PANK4: variants seen among roughly 807,000 people sequenced by gnomAD.
The protein encoded by PANK4 is pantothenate kinase 4 (inactive).
In PANK4, 40 loss-of-function variants were observed where a neutral mutation model predicts 87.9. The observed-to-expected ratio is 0.46, with a 90% CI of 0.35 to 0.59. The LOEUF is 0.59. Ranked by LOEUF, PANK4 falls within the 20% of genes least tolerant of loss-of-function variation. PANK4 has a pLI of 0.00. For missense variants in PANK4, 926 were observed against 1,072.3 expected (o/e 0.86, Z 1.90); for synonymous variants, 524 against 467.4 (o/e 1.12, Z -1.56).
chr1:2,520,260 T>C lies in PANK4; in HGVS notation c.699+62A>G, dbSNP rs1178439427. On this transcript the variant is annotated intron_variant, in intron 5 of 18. Transcript: ENST00000378466. This position sits in a 1 kb window ranked among gnomAD's most constrained non-coding sequence, Gnocchi z 6.2. Reference sequence around the variant, plus strand: ...TTTTGCACCGCCCAGCTGCAGGCCTTCGGGGGAAGGAAGCAGACATCTCCG... The same window carrying C: ...TTTTGCACCGCCCAGCTGCAGGCCTCCGGGGGAAGGAAGCAGACATCTCCG... The C allele has an allele frequency of 4.0e-6, 6 of 1,500,614 alleles. No individual in the cohort carries two copies. Among genetic ancestry groups the C allele is most frequent in the Non-Finnish European group, 5.6e-6 (6 of 1,078,862 alleles). 93.0% of individuals were successfully genotyped at this position (1,500,614 alleles called of 1,614,324 possible).
intron 9 of PANK4, among the ~76,000 whole-genome samples, chr1:2,516,359 C>T (rs1324677878): frequency 6.6e-6 from 1 of 152,222 alleles, no homozygotes; most frequent in African/African-American, 2.4e-5. Context: ...CCCGGGGCCA[C>T]CTGCACCCAG....
rs764779513 is a variant in PANK4, at chr1:2,512,991, C to A, written c.1624G>T (p.Val542Leu). The A allele has an allele frequency of 6.2e-7, 1 of 1,611,372 alleles. No homozygotes were observed. Among genetic ancestry groups the A allele is most frequent in the Admixed American group, 1.7e-5 (1 of 59,966 alleles). ...GVALRCFPGVVRSLDALGWEE... is the reference protein window; with the variant it reads ...GVALRCFPGVLRSLDALGWEE... ...CAGCCCAGCGCGTCCAGGGAGCGCA[C>A]GACCCCGGGGAAGCACCTCAGCGCC... Residue 542 changes from valine (V) to leucine (L), a missense_variant, in exon 13 of 19, where the codon GTG (valine) becomes TTG (leucine). Val to Leu is a conservative substitution (Grantham distance 32). Coordinates refer to ENST00000378466, the MANE Select transcript of PANK4 (RefSeq NM_018216.4).
chr1:2,521,921 G>A (rs767270336), intron 1 of PANK4, 121 bp from the exon 2 acceptor site: 5 of 753,456 alleles, frequency 6.6e-6, no homozygotes, highest in South Asian at 1.5e-5. Flanking sequence ...AGGGGTTTGG[G>A]GCTACTGGAA....
At chr1:2,525,401 A>G (rs1324257299) in intron 1 of PANK4, among the ~76,000 whole-genome samples, 1 of 152,080 alleles carries the variant, frequency 6.6e-6, no homozygotes, top group African/African-American at 2.4e-5. Flanking sequence ...AAGCAGACTC[A>G]GCCTACGACC....
Position 2,520,469 on chromosome 1 carries a change from C to T in PANK4, c.607-55G>A. ...CAGTGGGCCCTCAGCCACACAGGCT[C>T]CCCCGCCCCCCGCCCCATGTGCTGC... On this transcript the variant is annotated intron_variant, in intron 4 of 18. Transcript: ENST00000378466. This position sits in a 1 kb window ranked among gnomAD's most constrained non-coding sequence, Gnocchi z 6.2. 1 of 1,399,732 alleles carries T rather than the reference C, an allele frequency of 7.1e-7. No individual in the cohort carries two copies. Among genetic ancestry groups the T allele is most frequent in the Admixed American group, 1.7e-5 (1 of 58,228 alleles). 86.7% of individuals were successfully genotyped at this position (1,399,732 alleles called of 1,614,324 possible).
At position 2,508,900 on chromosome 1, in the gene PANK4, G is replaced by A; in HGVS notation, c.2269C>T (p.Leu757=). The A allele has an allele frequency of 6.2e-7, 1 of 1,609,428 alleles. No homozygotes were observed. The highest frequency in any genetic ancestry group is 8.5e-7 in the Non-Finnish European group (1 of 1,178,414). Residue 757 remains leucine (L), a synonymous_variant, in exon 19 of 19, where the codon CTG becomes TTG. Coordinates refer to ENST00000378466, the MANE Select transcript of PANK4 (RefSeq NM_018216.4). This position sits in a 1 kb window ranked among gnomAD's most constrained non-coding sequence, Gnocchi z 5.1. ...ATGACGCTGAAGAGCCGGCCGCCCA[G>A]CCGCTCGGCCAGCCACGCGTTCTTG... The part of the protein sequence containing the change: ...VIKNAWLAER[L]GGRLFSVIFK...
chr1:2,514,779 T>C (rs1174067320), intron 10 of PANK4, among the ~76,000 whole-genome samples: 1 of 151,870 alleles, frequency 6.6e-6, no homozygotes, highest in Non-Finnish European at 1.5e-5. Flanking sequence ...AGGCTGACGG[T>C]GACAGTTCAC....
chr1:2,509,917 C>T lies in PANK4; in HGVS notation c.2053G>A (p.Glu685Lys), dbSNP rs1485035858. 6 of 1,612,306 alleles carry T rather than the reference C, an allele frequency of 3.7e-6. No individual in the cohort carries two copies. In the Admixed American group the frequency reaches 5.0e-5, roughly 13 times the overall value. Reference sequence around the variant, plus strand: ...GTCTGCACCAGCAGCAGCCTCTCTTCCTGGAGCGCAGAGCTGCCAGATACA... The same window carrying T: ...GTCTGCACCAGCAGCAGCCTCTCTTTCTGGAGCGCAGAGCTGCCAGATACA... ...MDPVVHSALQ[E>K]ERLLLVQTGS... is the part of the protein sequence containing the mutation. Residue 685 changes from glutamate to lysine, a missense_variant, in exon 18 of 19, where the codon GAA (glutamate) becomes AAA (lysine). Coordinates refer to ENST00000378466, the MANE Select transcript of PANK4 (RefSeq NM_018216.4). This position sits in a 1 kb window ranked among gnomAD's most constrained non-coding sequence, Gnocchi z 4.9.
intron 1 of PANK4, 74 bp downstream of exon 1, chr1:2,526,390 C>T (rs1489076784): frequency 3.4e-6 from 3 of 881,780 alleles, no homozygotes; most frequent in East Asian, 1.2e-4. Context: ...CTTCCCGCCG[C>T]CCCCGCTCGC....
chr1:2,519,758 C>A lies in PANK4; in HGVS notation c.853+43G>T. Reference sequence around the variant, plus strand: ...CTCCTGTCCGTGAGACCCCAAGTGTCCCCACCATCCTGCTCTCTGGCGGCA... The same window carrying A: ...CTCCTGTCCGTGAGACCCCAAGTGTACCCACCATCCTGCTCTCTGGCGGCA... On this transcript the variant is annotated intron_variant, in intron 6 of 18. Coordinates refer to ENST00000378466, the MANE Select transcript of PANK4 (RefSeq NM_018216.4). The surrounding 1 kb of genome is among the most constrained non-coding windows in gnomAD (Gnocchi z 8.3). 6.6e-7 allele frequency: 1 copy of A among 1,518,198 alleles called. No individual in the cohort carries two copies. Among genetic ancestry groups the A allele is most frequent in the East Asian group, 2.4e-5 (1 of 41,406 alleles). The allele number at this position is 1,518,198 out of a possible 1,614,324, so 94.0% of individuals were successfully genotyped here. A position where few individuals can be genotyped will look rare whatever the true frequency, so the allele number is the denominator to read the frequency against.
At position 2,526,578 on chromosome 1, in the gene PANK4, A is replaced by G. The variant is rs746501126; in HGVS notation, c.10T>C (p.Cys4Arg). 7 of 1,599,874 alleles carry G rather than the reference A, an allele frequency of 4.4e-6. No individual in the cohort carries two copies. The highest frequency in any genetic ancestry group is 3.4e-5 in the Admixed American group (2 of 58,762). MAECGASGSGSSGD... is the reference protein window; with the variant it reads MAERGASGSGSSGD... ...CTGCTCCCGCTGCCGCTCGCTCCAC[A>G]CTCCGCCATTTTGAAAGTGCCCGGC... Residue 4 changes from cysteine (C) to arginine (R), a missense_variant, in exon 1 of 19, where the codon TGT (cysteine) becomes CGT (arginine). Transcript: ENST00000378466.
At chr1:2,524,658 C>T (rs1643905056) in intron 1 of PANK4, among the ~76,000 whole-genome samples, 1 of 152,254 alleles carries the variant, frequency 6.6e-6, no homozygotes, top group Non-Finnish European at 1.5e-5. Flanking sequence ...TGCGGCTTCA[C>T]TGGCCTCTCG....
In PANK4 at chr1:2,520,316, G is replaced by T; in HGVS notation, c.699+6C>A. On this transcript the variant is annotated splice_donor_region_variant and intron_variant, in intron 5 of 18. Coordinates refer to ENST00000378466, the MANE Select transcript of PANK4 (RefSeq NM_018216.4). The surrounding 1 kb of genome is among the most constrained non-coding windows in gnomAD (Gnocchi z 6.2). The stretch of plus-strand genomic sequence containing the variant: ...CCCTGGAAGGTCTCTGGCAGCTGCC[G>T]CATACCTTCGTTTTGGTGAGCAGAG... 1 of 1,611,070 alleles carries T rather than the reference G, an allele frequency of 6.2e-7. No individual in the cohort carries two copies. Among genetic ancestry groups the T allele is most frequent in the Non-Finnish European group, 8.5e-7 (1 of 1,178,298 alleles).
Position 2,519,224 on chromosome 1 carries a change from G to A in PANK4, c.954C>T (p.Arg318=), listed in dbSNP as rs369474572. 1.7e-5 allele frequency: 28 copies of A among 1,612,692 alleles called. No individual in the cohort carries two copies. Among genetic ancestry groups the A allele is most frequent in the African/African-American group, 5.3e-5 (4 of 74,924 alleles). ...GGATAAAGAAGCCTCCAAAGTACAC[G>A]CGGTCCAGGCTGTGCAGCCGTGCGT... ...CLHARLHSLD[R]VYFGGFFIRG... The change falls in exon 7 of 19, where the codon CGC becomes CGT. Residue 318 remains arginine (R), a synonymous_variant. Transcript: ENST00000378466. This position sits in a 1 kb window ranked among gnomAD's most constrained non-coding sequence, Gnocchi z 8.3.
intron 10 of PANK4, among the ~76,000 whole-genome samples, chr1:2,514,956 AG>A (rs1643740756): frequency 1.3e-5 from 2 of 152,002 alleles, no homozygotes; most frequent in Non-Finnish European, 2.9e-5. Context: ...GGGCACTCAG[AG>A]CTCACTCCGG....
At position 2,521,767 on chromosome 1, in the gene PANK4, G is replaced by A; in HGVS notation, c.158C>T (p.Thr53Met). 1.2e-6 allele frequency: 2 copies of A among 1,614,004 alleles called. No individual in the cohort carries two copies. The highest frequency in any genetic ancestry group is 1.1e-5 in the South Asian group (1 of 91,082). The change falls in exon 2 of 19, where the codon ACG becomes ATG. Residue 53 changes from threonine (T) to methionine (M), a missense_variant. Thr to Met is a moderately conservative substitution (Grantham distance 81, BLOSUM62 -1). Transcript: ENST00000378466. Reference protein sequence around the residue: ...GSLTKLAYYSTVQHKVAKVRS... With the variant: ...GSLTKLAYYSMVQHKVAKVRS... ...CACCTTGGCGACTTTGTGCTGTACC[G>A]TTGAATAGTAGGCCAGCTTGGTTAA... is the stretch of plus-strand genomic sequence containing the variant.
chr1:2,525,314 C>T (rs1643910963), intron 1 of PANK4, among the ~76,000 whole-genome samples: 2 of 152,058 alleles, frequency 1.3e-5, no homozygotes, highest in African/African-American at 2.4e-5. Context: ...ATTTACTGGG[C>T]GGCAAAGACA....
Position 2,510,445 on chromosome 1 carries a change from G to A in PANK4, c.1938+233C>T, listed in dbSNP as rs1643641970. The A allele has an allele frequency of 3.4e-6, 2 of 596,552 alleles. No homozygotes were observed. Among genetic ancestry groups the A allele is most frequent in the Non-Finnish European group, 6.0e-6 (2 of 335,028 alleles). 37.0% of individuals were successfully genotyped at this position (596,552 alleles called of 1,614,324 possible). ...CCTTGCTGTGAGCACCCTTCCAGGAGCCTGGCGTCAACCCTGGGCTTCAGC... is the reference window on the plus strand; with the variant it reads ...CCTTGCTGTGAGCACCCTTCCAGGAACCTGGCGTCAACCCTGGGCTTCAGC... On this transcript the variant is annotated intron_variant, in intron 16 of 18. Coordinates refer to ENST00000378466, the MANE Select transcript of PANK4 (RefSeq NM_018216.4). This position sits in a 1 kb window ranked among gnomAD's most constrained non-coding sequence, Gnocchi z 4.9.
Position 2,508,585 on chromosome 1 carries a change from C to CA in PANK4, c.*261dup. 4.9e-6 allele frequency: 1 copy of CA among 202,324 alleles called. No individual in the cohort carries two copies. The highest frequency in any genetic ancestry group is 9.5e-6 in the Non-Finnish European group (1 of 105,590). The allele number at this position is 202,324 out of a possible 1,614,324, so 12.5% of individuals were successfully genotyped here. A position where few individuals can be genotyped will look rare whatever the true frequency, so the allele number is the denominator to read the frequency against. ...GCGTGCCCACGGTGCTGCGTCCCGT[C>CA]AGACATACCTGTATAGATCTCTCTA... On this transcript the variant is annotated 3_prime_UTR_variant, in exon 19 of 19. Transcript: ENST00000378466. This position sits in a 1 kb window ranked among gnomAD's most constrained non-coding sequence, Gnocchi z 5.1.
Sources: allele counts gnomAD v4.1 joint callset (sites outside exome capture counted in the v4.1 genomes callset), GRCh38; gene constraint gnomAD v4.1.1; non-coding constraint Gnocchi (gnomAD v3.1); transcripts MANE v1.5; gene names NCBI Gene and HGNC (gene_info 2026-07-23, HGNC 2026-07-21).